Variants in SWT1 observed in about 807,000 individuals in gnomAD.
The protein encoded by SWT1 is transcriptional protein SWT1.
SWT1 carries 33 observed loss-of-function variants against 107.3 expected under a neutral mutation model. The observed-to-expected ratio is 0.31, with a 90% confidence interval of 0.23 to 0.41. The LOEUF (loss-of-function observed/expected upper bound fraction) is 0.41. SWT1 is among the 10% of genes least tolerant of loss of function. The pLI is 1.00. For synonymous variants in SWT1, 345 were observed against 348.3 expected (o/e 0.99, Z 0.11); for missense variants, 898 against 1,028.9 (o/e 0.87, Z 1.74).
intron 9 of SWT1, among the ~76,000 whole-genome samples, chr1:185,188,483 G>T (rs1470646027): frequency 6.6e-6 from 1 of 152,090 alleles, no homozygotes; most frequent in Non-Finnish European, 1.5e-5. Flanking sequence ...TGTCTGTCTG[G>T]CTCACTGGTC....
chr1:185,165,026 T>C (rs1455315343), intron 2 of SWT1, among the ~76,000 whole-genome samples: 1 of 152,240 alleles, frequency 6.6e-6, no homozygotes. Context: ...TTCCTTTCAC[T>C]TGAACACTTA....
intron 16 of SWT1, among the ~76,000 whole-genome samples, chr1:185,260,246 A>C (rs543508874): frequency 6.6e-6 from 1 of 152,248 alleles, no homozygotes; most frequent in African/African-American, 2.4e-5. Context: ...AAAGGATTGG[A>C]GAACAAAGGA....
At chr1:185,162,008 G>A (rs1654190738) in intron 2 of SWT1, among the ~76,000 whole-genome samples, 1 of 152,172 alleles carries the variant, frequency 6.6e-6, no homozygotes, top group African/African-American at 2.4e-5. Flanking sequence ...CAGATAGTGT[G>A]CTTTTTGGTG....
At chr1:185,192,649 C>CTTTT (rs869246878) in intron 10 of SWT1, among the ~76,000 whole-genome samples, 1 of 139,562 alleles carries the variant, frequency 7.2e-6, no homozygotes, top group East Asian at 2.1e-4. Context: ...TAACGCCTCT[C>CTTTT]TTTTTTTTTT....
chr1:185,221,074 C>T (rs991701925), intron 14 of SWT1, among the ~76,000 whole-genome samples: 1 of 152,144 alleles, frequency 6.6e-6, no homozygotes, highest in Non-Finnish European at 1.5e-5. Context: ...CACACACACA[C>T]ACACACACAC....
At position 185,231,648 on chromosome 1, in the gene SWT1, C is replaced by G; in HGVS notation, c.2381C>G (p.Ala794Gly). 1.9e-6 allele frequency: 3 copies of G among 1,604,096 alleles called. No homozygotes were observed. Among genetic ancestry groups the G allele is most frequent in the South Asian group, 1.1e-5 (1 of 90,824 alleles). ...TTSNIASFEE[A>G]FICLQKLMAA... ...TCAAATATAGCATCATTTGAAGAAG[C>G]ATTTATATGTCTTCAAAAGTTAATG... The change falls in exon 16 of 19, where the codon GCA becomes GGA. Residue 794 changes from alanine (A) to glycine (G), a missense_variant. Coordinates refer to ENST00000367500, the MANE Select transcript of SWT1 (RefSeq NM_017673.7).
rs540181669 is a variant in SWT1, at chr1:185,216,316, G to GT, written c.2121+1663dup. ...AAAAATGGGCCTAGGGATTTAGAGG[G>GT]TTATAGCATGAGTATTGTACCTTGA... On this transcript the variant is annotated intron_variant, in intron 14 of 18. Coordinates refer to ENST00000367500, the MANE Select transcript of SWT1 (RefSeq NM_017673.7). 9.2e-5 allele frequency among the ~76,000 whole-genome samples: 14 copies of GT among 152,224 alleles called. No individual in the cohort carries two copies. The South Asian group carries it at 2.9e-3, about 32-fold the overall frequency.
At chr1:185,257,982 A>G (rs1325447688) in intron 16 of SWT1, 3 of 152,086 alleles carry the variant, frequency 2.0e-5, no homozygotes, top group Non-Finnish European at 4.4e-5. Flanking sequence ...GTTGTGGTCA[A>G]TTAGTTGTAA....
intron 2 of SWT1, among the ~76,000 whole-genome samples, chr1:185,164,966 G>A (rs1042136017): frequency 6.6e-6 from 1 of 152,168 alleles, no homozygotes. Context: ...ACCTTCCTCA[G>A]TAAGTGTAAT....
intron 15 of SWT1, among the ~76,000 whole-genome samples, chr1:185,223,126 A>T (rs1013528451): frequency 6.6e-6 from 1 of 152,174 alleles, no homozygotes; most frequent in African/African-American, 2.4e-5. Flanking sequence ...GAACCTCTGT[A>T]CTATTTTACA....
intron 5 of SWT1, among the ~76,000 whole-genome samples, chr1:185,176,019 A>G (rs954546707): frequency 6.6e-6 from 1 of 152,142 alleles, no homozygotes; most frequent in Non-Finnish European, 1.5e-5. Context: ...ACTGGATACA[A>G]TGGCTCACGC....
At chr1:185,266,535 T>C (rs1005732505) in intron 16 of SWT1, 3 of 152,204 alleles carry the variant, frequency 2.0e-5, no homozygotes, top group African/African-American at 7.2e-5. Flanking sequence ...TATTCTGTTT[T>C]GTCTCTAAAA....
chr1:185,168,835 G>A (rs1654809140), intron 4 of SWT1, among the ~76,000 whole-genome samples: 1 of 152,278 alleles, frequency 6.6e-6, no homozygotes, highest in Middle Eastern at 3.4e-3. Context: ...TATAGCTAGA[G>A]AACTTGGGGA....
intron 18 of SWT1, among the ~76,000 whole-genome samples, chr1:185,282,770 A>T (rs1180768709): frequency 6.6e-6 from 1 of 152,070 alleles, no homozygotes; most frequent in East Asian, 1.9e-4. Flanking sequence ...TAGTACACCG[A>T]GTCGGTGTTC....
chr1:185,205,809 C>CT (rs1658288982), intron 12 of SWT1, among the ~76,000 whole-genome samples: 1 of 152,016 alleles, frequency 6.6e-6, no homozygotes, highest in Admixed American at 6.6e-5. Context: ...TCAGAAGATA[C>CT]TAGGAGTGTT....
intron 16 of SWT1, among the ~76,000 whole-genome samples, chr1:185,251,884 G>T (rs959990426): frequency 5.9e-5 from 9 of 151,784 alleles, no homozygotes; most frequent in Admixed American, 5.9e-4. Context: ...ATGCTGGTGC[G>T]CTGCACCCAC....
chr1:185,174,743 A>G lies in SWT1; in HGVS notation c.596A>G (p.Glu199Gly), dbSNP rs371953578. The G allele has an allele frequency of 8.7e-6, 14 of 1,612,192 alleles. No homozygotes were observed. Among genetic ancestry groups the G allele is most frequent in the Middle Eastern group, 3.3e-4 (2 of 6,078 alleles). ...GRNSKFRDNS[E>G]KCVLEKWKRN... ...AACAGTAAATTTAGAGACAATTCTG[A>G]AAAATGTGTCTTAGAGAAATGGAAG... Residue 199 changes from glutamate (E) to glycine (G), a missense_variant, in exon 5 of 19, where the codon GAA (glutamate) becomes GGA (glycine). Coordinates refer to ENST00000367500, the MANE Select transcript of SWT1 (RefSeq NM_017673.7).
chr1:185,185,936 T>G (rs983850863), intron 9 of SWT1, among the ~76,000 whole-genome samples: 1 of 152,174 alleles, frequency 6.6e-6, no homozygotes, highest in Non-Finnish European at 1.5e-5. Flanking sequence ...AATTTTAGCC[T>G]TGTCCTTAAC....
intron 17 of SWT1, among the ~76,000 whole-genome samples, chr1:185,276,365 G>A (rs1183225137): frequency 6.6e-6 from 1 of 152,018 alleles, no homozygotes; most frequent in Non-Finnish European, 1.5e-5. Context: ...CTGTGTCTAG[G>A]CCCATCTCAC....
Sources: allele counts gnomAD v4.1 joint callset (sites outside exome capture counted in the v4.1 genomes callset), GRCh38; gene constraint gnomAD v4.1.1; transcripts MANE v1.5; gene names NCBI Gene and HGNC (gene_info 2026-07-23, HGNC 2026-07-21).